DPF3: variants seen among roughly 807,000 people sequenced by gnomAD.
DPF3 encodes zinc finger protein DPF3.
A neutral mutation model predicts 56.8 loss-of-function variants in DPF3; 18 were observed. The ratio of observed to expected loss-of-function variants is 0.32; its 90% CI spans 0.22 to 0.47. The LOEUF is 0.47. Ranked by LOEUF, DPF3 falls within the 20% of genes least tolerant of loss-of-function variation. The probability of loss-of-function intolerance (pLI) is 1.00; values close to 1 mark genes in which losing one functional copy is unlikely to be tolerated. For missense variants in DPF3, 403 were observed against 488.8 expected (o/e 0.82, Z 1.65); for synonymous variants, 188 against 180.2 (o/e 1.04, Z -0.35).
chr14:72,679,643 A>T (rs1041939718), intron 7 of DPF3, among the ~76,000 whole-genome samples: 2 of 152,188 alleles, frequency 1.3e-5, no homozygotes, highest in Non-Finnish European at 2.9e-5. Context: ...GTGTCCCTCT[A>T]CAGGTCTGAC....
intron 1 of DPF3, among the ~76,000 whole-genome samples, chr14:72,876,548 T>C (rs1414973380): frequency 1.3e-5 from 2 of 152,028 alleles, no homozygotes; most frequent in Non-Finnish European, 1.5e-5. Context: ...CCCCACCTAC[T>C]CCCAACCAGC....
intron 7 of DPF3, among the ~76,000 whole-genome samples, chr14:72,682,106 C>T (rs1275633701): frequency 2.0e-5 from 3 of 150,762 alleles, no homozygotes; most frequent in African/African-American, 7.3e-5. Context: ...CCCAGCTATT[C>T]GGGAGGCTGA....
chr14:72,839,633 C>A (rs536444508), intron 1 of DPF3, among the ~76,000 whole-genome samples: 1 of 152,330 alleles, frequency 6.6e-6, no homozygotes, highest in East Asian at 1.9e-4. Flanking sequence ...GGTAGGACAA[C>A]CGGATGCCCT....
intron 1 of DPF3, among the ~76,000 whole-genome samples, chr14:72,837,768 A>G (rs1567250783): frequency 6.6e-6 from 1 of 152,164 alleles, no homozygotes; most frequent in Non-Finnish European, 1.5e-5. Flanking sequence ...GAAAGAAAAA[A>G]AAGATCACTG....
At chr14:72,667,731 G>A (rs148884005) in intron 8 of DPF3, among the ~76,000 whole-genome samples, 1 of 152,244 alleles carries the variant, frequency 6.6e-6, no homozygotes, top group East Asian at 1.9e-4. Flanking sequence ...GGATCTAATT[G>A]CTTACTCTTC....
intron 1 of DPF3, chr14:72,836,197 A>AG: frequency 1.0e-6 from 1 of 985,860 alleles, no homozygotes; most frequent in Non-Finnish European, 1.2e-6. Flanking sequence ...GGGGGCACTG[A>AG]GGACAGAGCA....
At position 72,713,613 on chromosome 14, in the gene DPF3, A is replaced by T. The variant is rs76577928; in HGVS notation, c.604+810T>A. 5.0e-3 allele frequency among the ~76,000 whole-genome samples: 760 copies of T among 152,194 alleles called. 14 individuals are homozygous for T. The highest frequency in any genetic ancestry group is 0.038 in the East Asian group (194 of 5,162). On this transcript the variant is annotated intron_variant, in intron 6 of 10. Coordinates refer to ENST00000556509, the MANE Select transcript of DPF3 (RefSeq NM_001280542.3). Reference sequence around the variant, plus strand: ...AAGACGGCAAGTGAAGATCATTAGGAGTGTGGTGGTGAGGGCTGCCCTCCC... The same window carrying T: ...AAGACGGCAAGTGAAGATCATTAGGTGTGTGGTGGTGAGGGCTGCCCTCCC...
chr14:72,720,717 G>A (rs576072928), intron 5 of DPF3, among the ~76,000 whole-genome samples: 1 of 152,198 alleles, frequency 6.6e-6, no homozygotes, highest in Non-Finnish European at 1.5e-5. Context: ...GCACAGACCT[G>A]TGTTCAAATC....
chr14:72,739,018 T>G lies in DPF3; in HGVS notation c.302-7084A>C, dbSNP rs763300768. Among the ~76,000 whole-genome samples, 37 of 152,228 alleles carry G rather than the reference T, an allele frequency of 2.4e-4. 1 individual carries two copies. Among genetic ancestry groups the G allele is most frequent in the Middle Eastern group, 6.8e-3 (2 of 294 alleles). ...TATTTTGGGAGGCGAGGTGGGTGGA[T>G]AACTTGAGGTCAGGAGTTTGAGACC... On this transcript the variant is annotated intron_variant, in intron 3 of 10. Transcript: ENST00000556509.
intron 5 of DPF3, among the ~76,000 whole-genome samples, chr14:72,719,903 C>A (rs867730755): frequency 1.4e-4 from 21 of 152,140 alleles, no homozygotes; most frequent in African/African-American, 4.6e-4. Flanking sequence ...TTTGAACTTG[C>A]AAGGTCTAAG....
intron 1 of DPF3, among the ~76,000 whole-genome samples, chr14:72,833,685 C>T (rs1884160793): frequency 6.6e-6 from 1 of 152,202 alleles, no homozygotes; most frequent in Non-Finnish European, 1.5e-5. Flanking sequence ...CCTCCATCTC[C>T]ACAGGCTGGT....
At chr14:72,863,100 A>ATGTGTGTGTG (rs1555514174) in intron 1 of DPF3, among the ~76,000 whole-genome samples, 1 of 110,608 alleles carries the variant, frequency 9.0e-6, no homozygotes, top group Non-Finnish European at 1.9e-5. Flanking sequence ...ATATATATAT[A>ATGTGTGTGTG]TGTGTGTGTA....
chr14:72,613,032 A>G lies in DPF3; in HGVS notation c.*6265T>C, dbSNP rs201540913. ...TGTGTGTGTGTGTGTGTGTGTGTGTATGTGCGTGCGTGCACGCACGCGCAT... is the reference window on the plus strand; with the variant it reads ...TGTGTGTGTGTGTGTGTGTGTGTGTGTGTGCGTGCGTGCACGCACGCGCAT... On this transcript the variant is annotated 3_prime_UTR_variant, in exon 11 of 11. Coordinates refer to ENST00000556509, the MANE Select transcript of DPF3 (RefSeq NM_001280542.3). Among the ~76,000 whole-genome samples, 44 of 98,120 alleles carry G rather than the reference A, an allele frequency of 4.5e-4. No homozygotes were observed. Among genetic ancestry groups the G allele is most frequent in the South Asian group, 1.8e-3 (5 of 2,718 alleles). The allele number at this position is 98,120 out of a possible 152,430, so 64.4% of individuals were successfully genotyped here.
chr14:72,685,134 A>G (rs1237145947), intron 7 of DPF3, among the ~76,000 whole-genome samples: 1 of 152,218 alleles, frequency 6.6e-6, no homozygotes, highest in Non-Finnish European at 1.5e-5. Flanking sequence ...AGTGCCTATT[A>G]ACATGTTCAT....
intron 1 of DPF3, among the ~76,000 whole-genome samples, chr14:72,817,528 G>T (rs1440096319): frequency 6.6e-6 from 1 of 152,142 alleles, no homozygotes; most frequent in Admixed American, 6.5e-5. Flanking sequence ...ACAAAAATTA[G>T]CCAGGCATGG....
intron 3 of DPF3, among the ~76,000 whole-genome samples, chr14:72,734,231 G>A (rs1889794654): frequency 6.6e-6 from 1 of 152,208 alleles, no homozygotes; most frequent in African/African-American, 2.4e-5. Flanking sequence ...TAAATGTTAG[G>A]GAGGAAAACG....
chr14:72,843,916 C>G (rs1365944682), intron 1 of DPF3, among the ~76,000 whole-genome samples: 1 of 152,190 alleles, frequency 6.6e-6, no homozygotes, highest in African/African-American at 2.4e-5. Context: ...TAACTCATTC[C>G]ATCTCTATCT....
intron 1 of DPF3, among the ~76,000 whole-genome samples, chr14:72,795,052 A>T (rs557062930): frequency 1.1e-4 from 16 of 152,186 alleles, no homozygotes; most frequent in Admixed American, 9.2e-4. Context: ...TCCTTAACTT[A>T]ATCACACCTG....
intron 1 of DPF3, among the ~76,000 whole-genome samples, chr14:72,822,422 T>TA (rs34749755): frequency 4.0e-5 from 5 of 125,378 alleles, no homozygotes; most frequent in East Asian, 2.0e-4. Context: ...CCTAGATTGT[T>TA]AAAAAATTTT....
Sources: gnomAD v4.1 joint callset for allele counts (sites outside exome capture counted in the v4.1 genomes callset) on GRCh38, gnomAD v4.1.1 for gene constraint, MANE v1.5 for transcripts, NCBI Gene and HGNC (gene_info 2026-07-23, HGNC 2026-07-21) for gene names.